OTUD7A: variants seen among roughly 807,000 people sequenced by gnomAD.
OTUD7A encodes the protein OTU deubiquitinase 7A, also known as OTU domain-containing protein 7A.
In OTUD7A, 12 loss-of-function variants were observed where a neutral mutation model predicts 65.7. The observed-to-expected ratio is 0.18, with a 90% CI of 0.12 to 0.30. The LOEUF is 0.30. Ranked by LOEUF, OTUD7A falls within the 10% of genes least tolerant of loss-of-function variation. The pLI, the probability that OTUD7A is intolerant of heterozygous loss-of-function variation, is 1.00. For synonymous variants in OTUD7A, 641 were observed against 586.3 expected (o/e 1.09, Z -1.35); for missense variants, 1,148 against 1,304.8 (o/e 0.88, Z 1.85).
intron 1 of OTUD7A, among the ~76,000 whole-genome samples, chr15:31,741,037 A>G (rs997421207): frequency 6.6e-6 from 1 of 152,244 alleles, no homozygotes; most frequent in Non-Finnish European, 1.5e-5. Context: ...TACTCTCAAG[A>G]GCTGCAGAAT....
rs763218341 is a variant in OTUD7A, at chr15:31,483,463, G to A, written c.2633C>T (p.Thr878Ile). Residue 878 changes from threonine to isoleucine, a missense_variant, in exon 13 of 13, where the codon ACC (threonine) becomes ATC (isoleucine). Physicochemically the swap from Thr to Ile is moderately conservative, Grantham distance 89. Coordinates refer to ENST00000307050, the MANE Select transcript of OTUD7A (RefSeq NM_001382637.1). ...GCCGCACTCACCGTTCGAGCGCGCG[G>A]TCGGCGCGTCGGCGTCGGCGAACTC... ...GLEFADADAP[T>I]ARSNGECGRG... is the part of the protein sequence containing the mutation. 2 of 1,379,854 alleles carry A rather than the reference G, an allele frequency of 1.4e-6. No individual in the cohort carries two copies. Among genetic ancestry groups the A allele is most frequent in the Non-Finnish European group, 1.9e-6 (2 of 1,066,628 alleles). The allele number at this position is 1,379,854 out of a possible 1,614,324, so 85.5% of individuals were successfully genotyped here. A position where few individuals can be genotyped will look rare whatever the true frequency, so the allele number is the denominator to read the frequency against.
At chr15:31,614,877 G>C (rs1035071988) in intron 3 of OTUD7A, among the ~76,000 whole-genome samples, 1 of 152,144 alleles carries the variant, frequency 6.6e-6, no homozygotes, top group Non-Finnish European at 1.5e-5. Context: ...GGGCTAAATG[G>C]TGTTCAGAAG....
chr15:31,483,521 T>A lies in OTUD7A; in HGVS notation c.2575A>T (p.Thr859Ser). 1 of 1,388,574 alleles carries A rather than the reference T, an allele frequency of 7.2e-7. No individual in the cohort carries two copies. Among genetic ancestry groups the A allele is most frequent in the Admixed American group, 2.8e-5 (1 of 35,110 alleles). The allele number at this position is 1,388,574 out of a possible 1,614,324, so 86.0% of individuals were successfully genotyped here. ...TCGCGCAGGGCGCCGAAGCCGTTGGTGTAGGTCTGCGACTTGTGCTCGGCC... is the reference window on the plus strand; with the variant it reads ...TCGCGCAGGGCGCCGAAGCCGTTGGAGTAGGTCTGCGACTTGTGCTCGGCC... ...GAAEHKSQTY[T>S]NGFGALRDGL... The change falls in exon 13 of 13, where the codon ACC becomes TCC. Residue 859 changes from threonine to serine, a missense_variant. Around this residue, in one of 6 missense-constraint regions of OTUD7A, gnomAD observed 842 missense variants for 769.5 expected, o/e 1.09. Transcript: ENST00000307050.
chr15:31,790,099 C>A (rs1021475034), intron 1 of OTUD7A, among the ~76,000 whole-genome samples: 4 of 152,208 alleles, frequency 2.6e-5, no homozygotes. Context: ...TGTGGAGCCA[C>A]CACCGCCCTA....
intron 1 of OTUD7A, among the ~76,000 whole-genome samples, chr15:31,798,940 T>C (rs368157166): frequency 6.6e-6 from 1 of 152,120 alleles, no homozygotes; most frequent in African/African-American, 2.4e-5. Context: ...ATCACCACTT[T>C]CAAAAAGAAC....
intron 5 of OTUD7A, among the ~76,000 whole-genome samples, chr15:31,548,561 A>C (rs1275107145): frequency 6.6e-6 from 1 of 152,104 alleles, no homozygotes; most frequent in East Asian, 1.9e-4. Flanking sequence ...GGCTTCCCCA[A>C]GTCTCTTCTG....
chr15:31,572,343 A>G (rs1595620546), intron 3 of OTUD7A, among the ~76,000 whole-genome samples: 2 of 152,290 alleles, frequency 1.3e-5, no homozygotes, highest in African/African-American at 4.8e-5. Context: ...AGCTGTATGG[A>G]AGAAGACCTT....
At chr15:31,676,712 G>T (rs35545706) in intron 1 of OTUD7A, among the ~76,000 whole-genome samples, 8 of 152,278 alleles carry the variant, frequency 5.3e-5, no homozygotes, top group African/African-American at 1.2e-4. Context: ...TGAAAGCATC[G>T]CTAACTGACA....
At position 31,737,570 on chromosome 15, in the gene OTUD7A, C is replaced by T. The variant is rs533469843; in HGVS notation, c.-99-80493G>A. On this transcript the variant is annotated intron_variant, in intron 1 of 12. Transcript: ENST00000307050. Reference sequence around the variant, plus strand: ...CCCTTTTTGGAAAGTAATCTGGAAACGGCGATTCAAGTTCAATATCTAAGA... The same window carrying T: ...CCCTTTTTGGAAAGTAATCTGGAAATGGCGATTCAAGTTCAATATCTAAGA... 4.0e-4 allele frequency among the ~76,000 whole-genome samples: 61 copies of T among 152,196 alleles called. No individual in the cohort carries two copies. The South Asian group carries it at 0.01, about 25-fold the overall frequency.
intron 1 of OTUD7A, among the ~76,000 whole-genome samples, chr15:31,855,215 A>G (rs942851875): frequency 6.6e-6 from 1 of 151,878 alleles, no homozygotes; most frequent in Non-Finnish European, 1.5e-5. Context: ...ATCCAGAAAC[A>G]TTCAAGTAAA....
At chr15:31,590,516 C>A (rs918511919) in intron 3 of OTUD7A, among the ~76,000 whole-genome samples, 1 of 151,924 alleles carries the variant, frequency 6.6e-6, no homozygotes, top group Non-Finnish European at 1.5e-5. Flanking sequence ...ATGGAAATAC[C>A]TTACACACAC....
chr15:31,797,913 G>A (rs762970837), intron 1 of OTUD7A, among the ~76,000 whole-genome samples: 9 of 152,132 alleles, frequency 5.9e-5, no homozygotes, highest in Non-Finnish European at 1.2e-4. Flanking sequence ...ACTTTGCACC[G>A]TTCTGCAGGT....
At chr15:31,854,219 T>C (rs975903453) in intron 1 of OTUD7A, among the ~76,000 whole-genome samples, 1 of 152,150 alleles carries the variant, frequency 6.6e-6, no homozygotes, top group African/African-American at 2.4e-5. Context: ...TATGGACCCC[T>C]TCCAGGAAAC....
chr15:31,568,603 G>C (rs981145086), intron 4 of OTUD7A, among the ~76,000 whole-genome samples: 3 of 152,218 alleles, frequency 2.0e-5, no homozygotes, highest in African/African-American at 7.2e-5. Flanking sequence ...GAGGGCCCAG[G>C]AGTGGATTGA....
At chr15:31,641,705 A>C (rs1447329537) in intron 3 of OTUD7A, among the ~76,000 whole-genome samples, 4 of 152,224 alleles carry the variant, frequency 2.6e-5, no homozygotes, top group Non-Finnish European at 5.9e-5. Context: ...TATTTTAAAA[A>C]ATAATGCAAT....
chr15:31,605,769 C>T (rs924260535), intron 3 of OTUD7A, among the ~76,000 whole-genome samples: 1 of 152,218 alleles, frequency 6.6e-6, no homozygotes, highest in African/African-American at 2.4e-5. Flanking sequence ...CCTGTGACAT[C>T]GCTACAGTGC....
chr15:31,811,214 C>T (rs1172643691), intron 1 of OTUD7A, among the ~76,000 whole-genome samples: 1 of 152,030 alleles, frequency 6.6e-6, no homozygotes, highest in East Asian at 1.9e-4. Flanking sequence ...GTGATGGCTG[C>T]ATCTAGTAGA....
chr15:31,847,336 T>C lies in OTUD7A; in HGVS notation c.-100+23171A>G, dbSNP rs564934963. Among the ~76,000 whole-genome samples the C allele has an allele frequency of 1.1e-4, 16 of 151,836 alleles. No individual in the cohort carries two copies. In the East Asian group the frequency reaches 2.9e-3, roughly 28 times the overall value. Reference sequence around the variant, plus strand: ...GTTGGTTGTGAGTACATGATAGAAATGAAAAAAGGGTGTGATCATGGTCAA... The same window carrying C: ...GTTGGTTGTGAGTACATGATAGAAACGAAAAAAGGGTGTGATCATGGTCAA... On this transcript the variant is annotated intron_variant, in intron 1 of 12. Coordinates refer to ENST00000307050, the MANE Select transcript of OTUD7A (RefSeq NM_001382637.1).
At chr15:31,485,024 C>A (rs2041216999) in intron 12 of OTUD7A, among the ~76,000 whole-genome samples, 1 of 152,214 alleles carries the variant, frequency 6.6e-6, no homozygotes, top group African/African-American at 2.4e-5. Flanking sequence ...ACCTCAGGTA[C>A]TTGGTACCCT....
Sources: allele counts gnomAD v4.1 joint callset (sites outside exome capture counted in the v4.1 genomes callset), GRCh38; gene constraint gnomAD v4.1.1; regional missense constraint gnomAD v4.1.1; transcripts MANE v1.5; gene names NCBI Gene and HGNC (gene_info 2026-07-23, HGNC 2026-07-21).